Variants in SBF1 observed in about 807,000 individuals in gnomAD.
SBF1 encodes SET binding factor 1.
In SBF1, 65 loss-of-function variants were observed where a neutral mutation model predicts 215.8. That is an observed-to-expected ratio of 0.30 (90% CI 0.25 to 0.37). The LOEUF is 0.37. SBF1 is among the 10% of genes least tolerant of loss of function. The pLI is 1.00. For missense variants in SBF1, 2,634 were observed against 2,667.8 expected (o/e 0.99, Z 0.28); for synonymous variants, 1,410 against 1,122.8 (o/e 1.26, Z -5.11).
rs377428323 is a variant in SBF1 at position 50,466,078 on chromosome 22, C to T, written c.898-4G>A. 1,669 of 1,613,492 alleles carry T rather than the reference C, an allele frequency of 1.0e-3. 1 individual carries two copies. The highest frequency in any genetic ancestry group is 1.5e-3 in the Admixed American group (93 of 60,028). The stretch of plus-strand genomic sequence containing the variant: ...GATCAGCAACAATCACATCGAGCTG[C>T]GGACCAAGGGAGCCGGCAGTCAGGG... On this transcript the variant is annotated splice_polypyrimidine_tract_variant and splice_region_variant and intron_variant, in intron 8 of 40. Coordinates refer to ENST00000380817, the MANE Select transcript of SBF1 (RefSeq NM_002972.4).
At chr22:50,452,579 C>G (rs1009983916) in intron 36 of SBF1, among the ~76,000 whole-genome samples, 1 of 151,688 alleles carries the variant, frequency 6.6e-6, no homozygotes, top group African/African-American at 2.4e-5. Context: ...AAAATTTAGC[C>G]GGGCATGATG....
chr22:50,464,974 G>A, intron 12 of SBF1, 27 bp downstream of exon 12: 1 of 1,613,894 alleles, frequency 6.2e-7, no homozygotes, highest in Middle Eastern at 1.7e-4. Context: ...CAGGGCAGGG[G>A]GCTGGGAGGG....
chr22:50,455,614 G>GA, intron 31 of SBF1, 32 bp from the exon 32 acceptor site: 1 of 1,536,992 alleles, frequency 6.5e-7, no homozygotes, highest in Non-Finnish European at 8.8e-7. Flanking sequence ...GCACCTCGGG[G>GA]ACCCACCGCC....
In SBF1 at chr22:50,466,078, C is replaced by A. The variant is rs377428323; in HGVS notation, c.898-4G>T. ...GATCAGCAACAATCACATCGAGCTG[C>A]GGACCAAGGGAGCCGGCAGTCAGGG... On this transcript the variant is annotated splice_polypyrimidine_tract_variant and splice_region_variant and intron_variant, in intron 8 of 40. Transcript: ENST00000380817. 3 of 1,613,492 alleles carry A rather than the reference C, an allele frequency of 1.9e-6. No individual in the cohort carries two copies. The highest frequency in any genetic ancestry group is 1.7e-4 in the Middle Eastern group (1 of 6,058).
Position 50,459,954 on chromosome 22 carries a change from G to A in SBF1, c.3489C>T (p.Arg1163=), listed in dbSNP as rs768594881. 1 of 1,613,644 alleles carries A rather than the reference G, an allele frequency of 6.2e-7. No homozygotes were observed. The highest frequency in any genetic ancestry group is 8.5e-7 in the Non-Finnish European group (1 of 1,179,928). The part of the protein sequence containing the change: ...SPVNRMYAIC[R]SYPGLLIVPQ... ...GGCCAGCCCTGGCCGGCCCTCACCT[G>A]CGGCAGATGGCATACATGCGGTTGA... The change falls in exon 26 of 41, where the codon CGC becomes CGT. Residue 1163 remains arginine (R), a splice_region_variant and synonymous_variant. Transcript: ENST00000380817.
intron 28 of SBF1, 54 bp from the exon 29 acceptor site, chr22:50,457,165 CAGCTTGGGGGTGCCT>C (rs1285282118): frequency 7.2e-7 from 1 of 1,386,856 alleles, no homozygotes; most frequent in Non-Finnish European, 9.5e-7. Flanking sequence ...TGGGCGTGCC[CAGCTTGGGGGTGCCT>C]ACAGGTCAGA....
At chr22:50,450,874 G>A (rs758835416) in intron 36 of SBF1, among the ~76,000 whole-genome samples, 7 of 152,126 alleles carry the variant, frequency 4.6e-5, no homozygotes, top group Admixed American at 2.0e-4. Context: ...TCGGGAGGCC[G>A]AGGAGGGAGA....
At chr22:50,472,077 G>C (rs2068015972) in intron 1 of SBF1, among the ~76,000 whole-genome samples, 1 of 152,224 alleles carries the variant, frequency 6.6e-6, no homozygotes, top group African/African-American at 2.4e-5. Flanking sequence ...GGCAGAGGCA[G>C]TCTGTCTAGT....
chr22:50,471,976 G>A (rs929121218), intron 1 of SBF1, among the ~76,000 whole-genome samples: 3 of 152,242 alleles, frequency 2.0e-5, no homozygotes, highest in African/African-American at 4.8e-5. Flanking sequence ...GGAGATGGAA[G>A]GCCGATGGCC....
intron 36 of SBF1, 135 bp downstream of exon 36, chr22:50,454,377 C>T (rs1362556389): frequency 1.4e-5 from 11 of 761,348 alleles, no homozygotes; most frequent in Admixed American, 2.3e-5. Flanking sequence ...GGTGGGGAGA[C>T]GGCAGGGCCA....
chr22:50,448,785 G>A (rs1250832020), intron 36 of SBF1, 135 bp from the exon 37 acceptor site: 9 of 652,822 alleles, frequency 1.4e-5, no homozygotes, highest in Admixed American at 2.8e-5. Flanking sequence ...AGGGGGAGGT[G>A]GCAAGAGGGA....
Position 50,446,279 on chromosome 22 carries a change from C to CCTTACTCT in SBF1, c.*855_*862dup, listed in dbSNP as rs2066804084. On this transcript the variant is annotated 3_prime_UTR_variant, in exon 41 of 41. Transcript: ENST00000380817. Reference sequence around the variant, plus strand: ...GGTCCATCCCCCATGGGCGTTGGCCCCTTACTCTGCCAGATGCTGCTCGTT... The same window carrying CCTTACTCT: ...GGTCCATCCCCCATGGGCGTTGGCCCCTTACTCTCTTACTCTGCCAGATGCTGCTCGTT... 1.3e-5 allele frequency: 2 copies of CCTTACTCT among 152,080 alleles called. No individual in the cohort carries two copies. Among genetic ancestry groups the CCTTACTCT allele is most frequent in the African/African-American group, 4.9e-5 (2 of 40,996 alleles). The allele number at this position is 152,080 out of a possible 1,614,324, so 9.4% of individuals were successfully genotyped here. A position where few individuals can be genotyped will look rare whatever the true frequency, so the allele number is the denominator to read the frequency against.
chr22:50,455,883 G>C, intron 31 of SBF1: 1 of 566,454 alleles, frequency 1.8e-6, no homozygotes, highest in Non-Finnish European at 3.1e-6. Context: ...TACCAAGCCA[G>C]CATCCTGTCA....
At position 50,466,308 on chromosome 22, in the gene SBF1, A is replaced by C. The variant is rs751672414; in HGVS notation, c.788+42T>G. The C allele has an allele frequency of 5.6e-6, 9 of 1,603,280 alleles. No individual in the cohort carries two copies. The African/African-American group carries it at 1.2e-4, about 21-fold the overall frequency. ...TGAGCCAGGGGACGCGGCTGGGCAAAGGGGCCAGGAGAAGGGGCTGGGAGG... is the reference window on the plus strand; with the variant it reads ...TGAGCCAGGGGACGCGGCTGGGCAACGGGGCCAGGAGAAGGGGCTGGGAGG... On this transcript the variant is annotated intron_variant, in intron 7 of 40. Coordinates refer to ENST00000380817, the MANE Select transcript of SBF1 (RefSeq NM_002972.4).
chr22:50,457,602 G>C (rs889322671), intron 28 of SBF1, among the ~76,000 whole-genome samples: 6 of 152,254 alleles, frequency 3.9e-5, no homozygotes, highest in African/African-American at 1.2e-4. Flanking sequence ...AGAGGGGAGA[G>C]GGTGGGCTCA....
chr22:50,465,826 C>T lies in SBF1; in HGVS notation c.1026G>A (p.Glu342=), dbSNP rs1352219493. Residue 342 remains glutamate, a synonymous_variant, in exon 10 of 41, where the codon GAG becomes GAA. Coordinates refer to ENST00000380817, the MANE Select transcript of SBF1 (RefSeq NM_002972.4). ...HSVLSMVLDP[E]LELADLAFPP... ...GGAAGGCGAGGTCAGCCAACTCCAG[C>T]TCCGGGTCCAGGACCTGCCAGCACA... The T allele has an allele frequency of 1.2e-6, 2 of 1,612,538 alleles. No individual in the cohort carries two copies. Among genetic ancestry groups the T allele is most frequent in the African/African-American group, 1.3e-5 (1 of 74,924 alleles).
intron 1 of SBF1, among the ~76,000 whole-genome samples, chr22:50,471,571 G>A (rs777020852): frequency 3.3e-4 from 50 of 152,252 alleles, no homozygotes; most frequent in African/African-American, 1.1e-3. Flanking sequence ...AGAAAAGAAG[G>A]AAGGACAGCA....
intron 10 of SBF1, among the ~76,000 whole-genome samples, 198 bp from the exon 11 acceptor site, chr22:50,465,526 G>A (rs1029845475): frequency 9.2e-5 from 14 of 152,194 alleles, no homozygotes; most frequent in African/African-American, 3.4e-4. Context: ...CACCCTCAAG[G>A]GCTCCTGTGA....
intron 1 of SBF1, among the ~76,000 whole-genome samples, chr22:50,472,670 G>A (rs893511200): frequency 1.3e-4 from 20 of 152,156 alleles, no homozygotes; most frequent in African/African-American, 4.1e-4. Context: ...CAACTGGCTC[G>A]AAGTCACAAG....
Sources: allele counts gnomAD v4.1 joint callset (sites outside exome capture counted in the v4.1 genomes callset), GRCh38; gene constraint gnomAD v4.1.1; transcripts MANE v1.5; gene names NCBI Gene and HGNC (gene_info 2026-07-23, HGNC 2026-07-21).